Variants in GPC6 observed in about 807,000 individuals in gnomAD.
GPC6 encodes glypican-6.
Under a neutral mutation model 55.2 loss-of-function variants are expected in GPC6, and 14 were observed. The ratio of observed to expected loss-of-function variants is 0.25; its 90% CI spans 0.17 to 0.40. GPC6 has a LOEUF of 0.40. Ranked by LOEUF, GPC6 falls within the 10% of genes least tolerant of loss-of-function variation. The pLI, the probability that GPC6 is intolerant of heterozygous loss-of-function variation, is 1.00. For synonymous variants in GPC6, 278 were observed against 259.6 expected, an observed-to-expected ratio of 1.07 and a Z score of -0.68; for missense variants, 641 against 708.5, an observed-to-expected ratio of 0.90 and a Z score of 1.08.
intron 4 of GPC6, among the ~76,000 whole-genome samples, chr13:94,117,115 T>G (rs962996531): frequency 6.6e-6 from 1 of 152,082 alleles, no homozygotes. Flanking sequence ...TCATTGTTCC[T>G]TACTTGGTAT....
intron 1 of GPC6, among the ~76,000 whole-genome samples, chr13:93,505,882 TAAG>T (rs1477131483): frequency 2.0e-5 from 3 of 152,170 alleles, no homozygotes; most frequent in Non-Finnish European, 4.4e-5. Flanking sequence ...TTGTAGTGAA[TAAG>T]AAGATTTGCA....
chr13:93,715,109 A>G (rs969342775), intron 2 of GPC6, among the ~76,000 whole-genome samples: 1 of 151,570 alleles, frequency 6.6e-6, no homozygotes, highest in Non-Finnish European at 1.5e-5. Context: ...TGTCTTGGAA[A>G]CTAGTTCTGC....
intron 4 of GPC6, among the ~76,000 whole-genome samples, chr13:94,055,963 T>C (rs1884117786): frequency 6.6e-6 from 1 of 152,160 alleles, no homozygotes; most frequent in African/African-American, 2.4e-5. Flanking sequence ...TCCTGACTTC[T>C]GTCTGATCAT....
intron 3 of GPC6, among the ~76,000 whole-genome samples, chr13:93,935,287 C>T (rs552804867): frequency 1.1e-4 from 17 of 152,220 alleles, no homozygotes; most frequent in African/African-American, 4.1e-4. Flanking sequence ...TTTTGGAGTT[C>T]CCATTGTCTA....
intron 3 of GPC6, among the ~76,000 whole-genome samples, chr13:94,002,063 T>C (rs1881828912): frequency 1.3e-5 from 2 of 152,080 alleles, no homozygotes; most frequent in Non-Finnish European, 2.9e-5. Flanking sequence ...ATCTTATTGA[T>C]TATTTTTCAA....
intron 4 of GPC6, among the ~76,000 whole-genome samples, chr13:94,236,000 A>G (rs559729322): frequency 6.6e-6 from 1 of 152,306 alleles, no homozygotes; most frequent in East Asian, 1.9e-4. Flanking sequence ...AATTTCTGCC[A>G]AAGTGTTTAC....
rs1204419648 is a variant in GPC6 at position 94,177,312 on chromosome 13, T to A, written c.878-109037T>A. Among the ~76,000 whole-genome samples, 4 of 152,008 alleles carry A rather than the reference T, an allele frequency of 2.6e-5. No individual in the cohort carries two copies. In the East Asian group the frequency reaches 7.7e-4, roughly 29 times the overall value. ...AACCACAATGTCAGGATATCAACAT[T>A]TAAAAAATGTAAAACTTCTATGTGT... On this transcript the variant is annotated intron_variant, in intron 4 of 8. Coordinates refer to ENST00000377047, the MANE Select transcript of GPC6 (RefSeq NM_005708.5).
At chr13:94,188,767 C>T (rs1435320527) in intron 4 of GPC6, among the ~76,000 whole-genome samples, 2 of 152,010 alleles carry the variant, frequency 1.3e-5, no homozygotes, top group African/African-American at 4.8e-5. Context: ...ACACCCCATC[C>T]CATAGCTGGT....
chr13:93,327,970 G>A (rs2139132484), intron 1 of GPC6, among the ~76,000 whole-genome samples: 1 of 152,096 alleles, frequency 6.6e-6, no homozygotes, highest in East Asian at 1.9e-4. Context: ...GCAGAGCTTT[G>A]AGGAAATACA....
chr13:94,271,825 T>C (rs7322443), intron 4 of GPC6, among the ~76,000 whole-genome samples: 43,368 of 152,008 alleles, frequency 0.29, 6,730 homozygotes, highest in African/African-American at 0.37. Flanking sequence ...CTTCACCATG[T>C]GGCATTTTGA....
At chr13:93,299,922 A>G (rs2139092271) in intron 1 of GPC6, among the ~76,000 whole-genome samples, 1 of 152,358 alleles carries the variant, frequency 6.6e-6, no homozygotes, top group African/African-American at 2.4e-5. Flanking sequence ...TTCAGAATTA[A>G]TAAAGCAGGG....
chr13:94,370,478 C>T (rs995191883), intron 6 of GPC6, among the ~76,000 whole-genome samples: 1 of 152,150 alleles, frequency 6.6e-6, no homozygotes, highest in African/African-American at 2.4e-5. Context: ...CCAGAGTCTA[C>T]TATAAAACCT....
At chr13:93,953,732 C>G (rs1405456832) in intron 3 of GPC6, among the ~76,000 whole-genome samples, 1 of 152,142 alleles carries the variant, frequency 6.6e-6, no homozygotes, top group South Asian at 2.1e-4. Flanking sequence ...AGGAAAGTAA[C>G]TGGAAAACAT....
At chr13:94,160,165 TA>T (rs1888104272) in intron 4 of GPC6, among the ~76,000 whole-genome samples, 1 of 152,248 alleles carries the variant, frequency 6.6e-6, no homozygotes, top group South Asian at 2.1e-4. Context: ...AGTATATTGT[TA>T]TAATTGTTCT....
intron 6 of GPC6, among the ~76,000 whole-genome samples, chr13:94,313,133 G>C (rs1449238313): frequency 6.6e-6 from 1 of 152,188 alleles, no homozygotes; most frequent in Non-Finnish European, 1.5e-5. Context: ...CTCGGTTTCT[G>C]CTCTTCTCCG....
chr13:94,347,614 G>T (rs903992889), intron 6 of GPC6, among the ~76,000 whole-genome samples: 1 of 152,128 alleles, frequency 6.6e-6, no homozygotes, highest in African/African-American at 2.4e-5. Context: ...AATGTAATAT[G>T]ATTTTTTAAA....
chr13:93,304,170 A>G (rs577470307), intron 1 of GPC6, among the ~76,000 whole-genome samples: 3 of 152,176 alleles, frequency 2.0e-5, no homozygotes, highest in Non-Finnish European at 4.4e-5. Context: ...CTGGCCGTAG[A>G]GACTATTTAA....
At chr13:94,180,148 G>T (rs1888937664) in intron 4 of GPC6, among the ~76,000 whole-genome samples, 1 of 152,104 alleles carries the variant, frequency 6.6e-6, no homozygotes, top group African/African-American at 2.4e-5. Context: ...ACACTGCAGA[G>T]GCCTCATTGA....
At chr13:93,572,908 A>G (rs1479378191) in intron 2 of GPC6, among the ~76,000 whole-genome samples, 1 of 152,172 alleles carries the variant, frequency 6.6e-6, no homozygotes, top group African/African-American at 2.4e-5. Context: ...ATAGAACTTC[A>G]TAAAAGAGAG....
Sources: allele counts gnomAD v4.1 joint callset (sites outside exome capture counted in the v4.1 genomes callset), GRCh38; gene constraint gnomAD v4.1.1; transcripts MANE v1.5; gene names NCBI Gene and HGNC (gene_info 2026-07-23, HGNC 2026-07-21).